CCNJL: variants seen among roughly 807,000 people sequenced by gnomAD.
CCNJL encodes cyclin J like.
In CCNJL, 33 loss-of-function variants were observed where a neutral mutation model predicts 33.4. The observed-to-expected ratio is 0.99, with a 90% CI of 0.75 to 1.32. The LOEUF (loss-of-function observed/expected upper bound fraction) is 1.32, where lower values mean the gene tolerates loss of function less well. Among genes scored for constraint, CCNJL ranks in the 40% most tolerant of loss-of-function variants. The pLI, the probability that CCNJL is intolerant of heterozygous loss-of-function variation, is 0.00. For missense variants in CCNJL, 512 were observed against 499.7 expected (o/e 1.02, Z -0.23); for synonymous variants, 227 against 220.9 (o/e 1.03, Z -0.24).
intron 2 of CCNJL, among the ~76,000 whole-genome samples, chr5:160,306,252 C>CA (rs1156322765): frequency 8.2e-6 from 1 of 121,712 alleles, no homozygotes; most frequent in Non-Finnish European, 1.6e-5. Flanking sequence ...GCTTGGGTGA[C>CA]AGAGCAAGAC....
At position 160,280,682 on chromosome 5, in the gene CCNJL, G is replaced by T. The variant is rs745821860; in HGVS notation, c.123C>A (p.Phe41Leu). 2 of 1,613,352 alleles carry T rather than the reference G, an allele frequency of 1.2e-6. No individual in the cohort carries two copies. The highest frequency in any genetic ancestry group is 1.7e-6 in the Non-Finnish European group (2 of 1,179,816). The change falls in exon 3 of 6, where the codon TTC becomes TTA. Residue 41 changes from phenylalanine (F) to leucine (L), a missense_variant. Physicochemically the swap from Phe to Leu is conservative, Grantham distance 22. Coordinates refer to ENST00000257536, the MANE Select transcript of CCNJL (RefSeq NM_001308173.3). Reference sequence around the variant, plus strand: ...TCAGCAGGGTCAGGATGTCCACGAAGAACCGGCGGCTCTTCAGGAGTGGGG... The same window carrying T: ...TCAGCAGGGTCAGGATGTCCACGAATAACCGGCGGCTCTTCAGGAGTGGGG... ...AHSPLLKSRR[F>L]FVDILTLLSS...
intron 2 of CCNJL, among the ~76,000 whole-genome samples, chr5:160,310,830 G>A (rs1310534569): frequency 1.3e-5 from 2 of 152,138 alleles, no homozygotes; most frequent in African/African-American, 4.8e-5. Context: ...GGAATGCCAA[G>A]GATGACCAAG....
chr5:160,298,324 G>A (rs1011875973), intron 2 of CCNJL, among the ~76,000 whole-genome samples: 6 of 151,840 alleles, frequency 4.0e-5, no homozygotes, highest in Admixed American at 1.3e-4. Flanking sequence ...GCGCCACTGC[G>A]CTCCAGTGTG....
In CCNJL at chr5:160,321,812, C is replaced by T. The variant is rs185011525; in HGVS notation, n.207-6307G>A. ...AAATTAGTTGGGTGTGGAGCCGAGA[C>T]GGTGCCACTGCACTCCAGCCTGGGC... On this transcript the variant is annotated intron_variant and non_coding_transcript_variant, in intron 1 of 7. Transcript: ENST00000377503. Among the ~76,000 whole-genome samples the T allele has an allele frequency of 1.8e-3, 276 of 152,102 alleles. 1 individual carries two copies. The highest frequency in any genetic ancestry group is 6.4e-3 in the African/African-American group (265 of 41,470).
At chr5:160,273,611 G>A (rs550270555) in intron 3 of CCNJL, among the ~76,000 whole-genome samples, 1 of 148,512 alleles carries the variant, frequency 6.7e-6, no homozygotes, top group South Asian at 2.2e-4. Flanking sequence ...AGCTCTGTGC[G>A]TGTTTGCAAA....
At chr5:160,254,072 A>G (rs1344221114) in intron 5 of CCNJL, 1 of 468,860 alleles carries the variant, frequency 2.1e-6, no homozygotes, top group Non-Finnish European at 3.7e-6. Context: ...ATGCTGCCCT[A>G]TCTCCACAGT....
Position 160,256,584 on chromosome 5 carries a change from G to A in CCNJL, c.584-876C>T, listed in dbSNP as rs370827615. Among the ~76,000 whole-genome samples the A allele has an allele frequency of 4.6e-5, 7 of 152,332 alleles. No homozygotes were observed. The South Asian group carries it at 1.2e-3, about 27-fold the overall frequency. On this transcript the variant is annotated intron_variant, in intron 4 of 5. Transcript: ENST00000257536. ...TGAAATTTCTGCAGTTTTCCTGAATGACACTGGATTTTCAGTTTATTACTC... is the reference window on the plus strand; with the variant it reads ...TGAAATTTCTGCAGTTTTCCTGAATAACACTGGATTTTCAGTTTATTACTC...
chr5:160,292,707 A>AAAGTCTGT (rs1762626258), intron 2 of CCNJL, among the ~76,000 whole-genome samples: 1 of 141,282 alleles, frequency 7.1e-6, no homozygotes, highest in Non-Finnish European at 1.5e-5. Flanking sequence ...ATATAACTTG[A>AAAGTCTGT]AAGTCTGTAT....
At chr5:160,325,810 G>T (rs561573065) in intron 1 of CCNJL, among the ~76,000 whole-genome samples, 1 of 152,238 alleles carries the variant, frequency 6.6e-6, no homozygotes, top group South Asian at 2.1e-4. Flanking sequence ...AGGTCAGCAA[G>T]CCACAGCCTG....
At chr5:160,295,117 G>T (rs1762712778) in intron 2 of CCNJL, among the ~76,000 whole-genome samples, 1 of 152,234 alleles carries the variant, frequency 6.6e-6, no homozygotes, top group African/African-American at 2.4e-5. Context: ...TATTTAAAAA[G>T]GGGGTTCCCC....
At chr5:160,301,512 C>A (rs1482609176) in intron 2 of CCNJL, among the ~76,000 whole-genome samples, 1 of 151,802 alleles carries the variant, frequency 6.6e-6, no homozygotes, top group Non-Finnish European at 1.5e-5. Context: ...CGGCTCACTG[C>A]AACCTCTGCC....
At chr5:160,299,518 A>C (rs932630913) in intron 2 of CCNJL, among the ~76,000 whole-genome samples, 8 of 152,206 alleles carry the variant, frequency 5.3e-5, no homozygotes, top group African/African-American at 1.9e-4. Context: ...CAACTATAAA[A>C]ACCATTTCTG....
intron 2 of CCNJL, among the ~76,000 whole-genome samples, chr5:160,299,157 AT>A (rs67238746): frequency 4.7e-5 from 7 of 149,832 alleles, no homozygotes; most frequent in Admixed American, 6.7e-5. Context: ...TTAAAAAAAA[AT>A]TTTTTTTTTG....
intron 3 of CCNJL, among the ~76,000 whole-genome samples, chr5:160,270,788 T>G (rs1761805890): frequency 6.6e-6 from 1 of 152,188 alleles, no homozygotes; most frequent in Non-Finnish European, 1.5e-5. Context: ...TAAAAACACT[T>G]TAAACTCCTC....
intron 1 of CCNJL, 63 bp from the exon 2 acceptor site, chr5:160,312,035 C>G: frequency 9.5e-7 from 1 of 1,048,136 alleles, no homozygotes; most frequent in East Asian, 2.5e-5. Context: ...CCCGGTGTCC[C>G]TATCCTCTCT....
rs1164893806 is a variant in CCNJL, at chr5:160,329,350, C to CTT, written n.206+10093_206+10094dup. On this transcript the variant is annotated intron_variant and non_coding_transcript_variant, in intron 1 of 7. Transcript: ENST00000377503. ...TGAGCCAGTATGATAAGGAAGTCTT[C>CTT]TTTTTTTTTTTTTTTTTTGAGACAG... Among the ~76,000 whole-genome samples the CTT allele has an allele frequency of 7.4e-4, 98 of 133,032 alleles. No individual in the cohort carries two copies. The Middle Eastern group carries it at 0.012, about 16-fold the overall frequency. 87.3% of individuals were successfully genotyped at this position (133,032 alleles called of 152,430 possible).
At chr5:160,328,086 G>A (rs1268028487) in intron 1 of CCNJL, among the ~76,000 whole-genome samples, 1 of 152,196 alleles carries the variant, frequency 6.6e-6, no homozygotes, top group African/African-American at 2.4e-5. Context: ...TCACGCAGGA[G>A]TGCGCGTGGC....
rs1561812687 is a variant in CCNJL at position 160,321,004 on chromosome 5, CTCTCTCTCTCTTTCTTTCTTTCTT to C, written n.207-5523_207-5500del. Reference sequence around the variant, plus strand: ...TCTCTCTCTTTCTTTCTTTCTCTCTCTCTCTCTCTCTTTCTTTCTTTCTTTCTTTCTTTCTTTCTTTCTTTCTTT... The same window carrying C: ...TCTCTCTCTTTCTTTCTTTCTCTCTCTCTTTCTTTCTTTCTTTCTTTCTTT... On this transcript the variant is annotated intron_variant and non_coding_transcript_variant, in intron 1 of 7. Coordinates refer to the CCNJL transcript ENST00000377503. Among the ~76,000 whole-genome samples the C allele has an allele frequency of 6.2e-4, 69 of 112,114 alleles. 4 individuals are homozygous for C. Among genetic ancestry groups the C allele is most frequent in the African/African-American group, 2.5e-3 (68 of 27,470 alleles). The allele number at this position is 112,114 out of a possible 152,430, so 73.6% of individuals were successfully genotyped here.
intron 3 of CCNJL, among the ~76,000 whole-genome samples, chr5:160,261,991 T>C (rs1761357277): frequency 6.6e-6 from 1 of 152,256 alleles, no homozygotes. Flanking sequence ...AATTTTTCTC[T>C]GATGATCTTG....
Sources: allele counts gnomAD v4.1 joint callset (sites outside exome capture counted in the v4.1 genomes callset), GRCh38; gene constraint gnomAD v4.1.1; transcripts MANE v1.5; gene names NCBI Gene and HGNC (gene_info 2026-07-23, HGNC 2026-07-21).